Variants in CLASP2 observed in about 807,000 individuals in gnomAD.
The protein encoded by CLASP2 is cytoplasmic linker associated protein 2.
A neutral mutation model predicts 194.4 loss-of-function variants in CLASP2; 47 were observed. That is an observed-to-expected ratio of 0.24 (90% CI 0.19 to 0.31). CLASP2 has a LOEUF of 0.31. CLASP2 is among the 10% of genes least tolerant of loss of function. The pLI, the probability that CLASP2 is intolerant of heterozygous loss-of-function variation, is 1.00. For missense variants in CLASP2, 1,445 were observed against 1,823.6 expected (o/e 0.79, Z 3.78); for synonymous variants, 619 against 633.5 (o/e 0.98, Z 0.34).
At chr3:33,688,954 C>A (rs892110736) in intron 3 of CLASP2, among the ~76,000 whole-genome samples, 24 of 152,098 alleles carry the variant, frequency 1.6e-4, no homozygotes, top group Admixed American at 1.5e-3. Context: ...CTGGGCGTAA[C>A]AAGAAATCCA....
intron 2 of CLASP2, among the ~76,000 whole-genome samples, chr3:33,693,683 T>C (rs1575632076): frequency 6.6e-6 from 1 of 152,274 alleles, no homozygotes. Context: ...AATTAATTGA[T>C]AGCAAAGCTG....
At chr3:33,502,703 CA>C (rs1376307811) in intron 37 of CLASP2, 18 of 152,092 alleles carry the variant, frequency 1.2e-4, no homozygotes, top group African/African-American at 4.3e-4. Context: ...CATTTTACTC[CA>C]GGGAAAAAAT....
intron 34 of CLASP2, among the ~76,000 whole-genome samples, chr3:33,532,832 T>C (rs2056608099): frequency 6.6e-6 from 1 of 152,166 alleles, no homozygotes; most frequent in African/African-American, 2.4e-5. Flanking sequence ...GCCTCCTGAG[T>C]AGCTGGGACT....
chr3:33,530,746 C>T (rs1366942176), intron 34 of CLASP2, among the ~76,000 whole-genome samples: 1 of 152,166 alleles, frequency 6.6e-6, no homozygotes, highest in Non-Finnish European at 1.5e-5. Flanking sequence ...ATGTTATGTA[C>T]TGCATGGCTG....
chr3:33,656,939 T>C (rs1378543435), intron 7 of CLASP2, among the ~76,000 whole-genome samples: 1 of 152,188 alleles, frequency 6.6e-6, no homozygotes, highest in African/African-American at 2.4e-5. Context: ...ATTTAGTATG[T>C]ATGTAAAGGC....
chr3:33,498,693 T>G lies in CLASP2; in HGVS notation c.4459A>C (p.Lys1487Gln). The change falls in exon 39 of 39, where the codon AAA becomes CAA. Residue 1487 changes from lysine (K) to glutamine (Q), a missense_variant. Transcript: ENST00000682230. ...SKMKLLNLYI[K>Q]RAQTGSGGAD... ...CCTCCAGAACCTGTTTGTGCACGTT[T>G]GATGTAAAGATTCAGTAGCTTCATC... 1 of 1,613,206 alleles carries G rather than the reference T, an allele frequency of 6.2e-7. No individual in the cohort carries two copies. Among genetic ancestry groups the G allele is most frequent in the African/African-American group, 1.3e-5 (1 of 75,028 alleles).
At chr3:33,514,669 T>C in intron 36 of CLASP2, 1 of 345,246 alleles carries the variant, frequency 2.9e-6, no homozygotes. Context: ...ATCCCACTAT[T>C]GGGTATCTAC....
chr3:33,638,036 T>C (rs1398575469), intron 8 of CLASP2, among the ~76,000 whole-genome samples: 1 of 152,172 alleles, frequency 6.6e-6, no homozygotes, highest in Non-Finnish European at 1.5e-5. Context: ...AAGGATGCAA[T>C]AGCTGTCATT....
intron 7 of CLASP2, among the ~76,000 whole-genome samples, chr3:33,651,159 G>C (rs756322149): frequency 4.6e-5 from 7 of 152,136 alleles, no homozygotes; most frequent in Non-Finnish European, 8.8e-5. Flanking sequence ...AAGGCAGGTG[G>C]ATCATTTGAG....
intron 23 of CLASP2, among the ~76,000 whole-genome samples, chr3:33,579,208 A>T (rs1040440815): frequency 6.6e-5 from 10 of 152,216 alleles, no homozygotes; most frequent in African/African-American, 2.2e-4. Flanking sequence ...CAGTGCAAAT[A>T]GGAACTTTCA....
intron 5 of CLASP2, among the ~76,000 whole-genome samples, chr3:33,686,467 G>A (rs2090687500): frequency 6.6e-6 from 1 of 152,070 alleles, no homozygotes; most frequent in Non-Finnish European, 1.5e-5. Flanking sequence ...CTGTGCATGC[G>A]AGGGGATCTA....
rs2049476042 is a variant in CLASP2 at position 33,510,696 on chromosome 3, T to C, written c.4179A>G (p.Lys1393=). 1 of 1,613,546 alleles carries C rather than the reference T, an allele frequency of 6.2e-7. No homozygotes were observed. Among genetic ancestry groups the C allele is most frequent in the Non-Finnish European group, 8.5e-7 (1 of 1,179,762 alleles). ...ATSISPEQCI[K]VLCPIIQTAD... ...CAGTTTGAATGATAGGACAAAGCAC[T>C]TTGATGCACTGCTCTGGACTAATTG... Residue 1393 remains lysine, a synonymous_variant, in exon 37 of 39, where the codon AAA becomes AAG. Transcript: ENST00000682230.
rs1239378584 is a variant in CLASP2, at chr3:33,675,402, A to G, written c.644+8957T>C. ...AAATTCAACAACCTTCATGCTAAAA[A>G]CTCTCAATAAATTAGGTATTGATGG... is the stretch of plus-strand genomic sequence containing the variant. On this transcript the variant is annotated intron_variant, in intron 6 of 38. Transcript: ENST00000682230. Among the ~76,000 whole-genome samples the G allele has an allele frequency of 2.5e-4, 38 of 151,838 alleles. No homozygotes were observed. In the South Asian group the frequency reaches 5.4e-3, roughly 22 times the overall value.
chr3:33,528,216 A>G (rs1431899563), intron 34 of CLASP2, among the ~76,000 whole-genome samples: 1 of 152,182 alleles, frequency 6.6e-6, no homozygotes. Flanking sequence ...ATAGACACAA[A>G]AAAAGACTTG....
At chr3:33,542,596 T>C (rs2058534603) in intron 32 of CLASP2, among the ~76,000 whole-genome samples, 1 of 150,264 alleles carries the variant, frequency 6.7e-6, no homozygotes, top group Admixed American at 6.7e-5. Context: ...TATGACCTAA[T>C]GTCATATTTA....
intron 30 of CLASP2, among the ~76,000 whole-genome samples, chr3:33,546,496 A>C (rs2059169188): frequency 6.6e-6 from 1 of 152,210 alleles, no homozygotes; most frequent in African/African-American, 2.4e-5. Flanking sequence ...TATCAAAGTA[A>C]TACATACATA....
intron 9 of CLASP2, 160 bp from the exon 10 acceptor site, chr3:33,627,240 C>T: frequency 4.7e-6 from 3 of 638,670 alleles, no homozygotes; most frequent in Non-Finnish European, 8.5e-6. Context: ...AATAATAACA[C>T]AAAATGCTTT....
chr3:33,698,991 G>A (rs544539064), intron 1 of CLASP2, among the ~76,000 whole-genome samples: 1 of 152,248 alleles, frequency 6.6e-6, no homozygotes, highest in African/African-American at 2.4e-5. Context: ...ACAACATGCA[G>A]GAATAAAAGG....
At chr3:33,672,255 G>A (rs1420943146) in intron 6 of CLASP2, among the ~76,000 whole-genome samples, 1 of 152,182 alleles carries the variant, frequency 6.6e-6, no homozygotes, top group Non-Finnish European at 1.5e-5. Context: ...AACTTCCAGA[G>A]GAACGAGCTG....
Sources: allele counts gnomAD v4.1 joint callset (sites outside exome capture counted in the v4.1 genomes callset), GRCh38; gene constraint gnomAD v4.1.1; transcripts MANE v1.5; gene names NCBI Gene and HGNC (gene_info 2026-07-23, HGNC 2026-07-21).